PAM: variants seen among roughly 807,000 people sequenced by gnomAD.
The protein encoded by PAM is peptidylglycine alpha-amidating monooxygenase.
PAM carries 72 observed loss-of-function variants against 122.1 expected under a neutral mutation model. That is an observed-to-expected ratio of 0.59 (90% CI 0.49 to 0.72). The LOEUF is 0.72. PAM is among the 30% of genes least tolerant of loss of function. The pLI is 0.00. For synonymous variants in PAM, 389 were observed against 404.4 expected (o/e 0.96, Z 0.46); for missense variants, 1,106 against 1,183.7 (o/e 0.93, Z 0.96).
At chr5:102,948,275 C>T in intron 8 of PAM, 103 bp from the exon 9 acceptor site, 2 of 594,608 alleles carry the variant, frequency 3.4e-6, no homozygotes, top group Non-Finnish European at 6.1e-6. Context: ...TTTTCAAAAG[C>T]ATCACATTTT....
chr5:102,984,590 T>A (rs950215539), intron 15 of PAM, among the ~76,000 whole-genome samples: 2 of 152,152 alleles, frequency 1.3e-5, no homozygotes, highest in African/African-American at 4.8e-5. Flanking sequence ...CAGAGATATA[T>A]AAAGGAAATA....
At chr5:102,826,437 G>T (rs1037884591) in intron 1 of PAM, among the ~76,000 whole-genome samples, 1 of 152,072 alleles carries the variant, frequency 6.6e-6, no homozygotes, top group Non-Finnish European at 1.5e-5. Context: ...AATTTGTTTT[G>T]TTGGTGGATT....
chr5:102,797,474 A>G (rs1312864926), intron 1 of PAM, among the ~76,000 whole-genome samples: 1 of 152,140 alleles, frequency 6.6e-6, no homozygotes, highest in African/African-American at 2.4e-5. Flanking sequence ...GTTTCCTAGT[A>G]TGTGTTTTCA....
chr5:103,012,729 G>A (rs754415719), intron 21 of PAM, among the ~76,000 whole-genome samples: 46 of 152,116 alleles, frequency 3.0e-4, no homozygotes, highest in Middle Eastern at 3.4e-3. Flanking sequence ...AGTGGTGGGC[G>A]CCTGTAGTCC....
intron 7 of PAM, among the ~76,000 whole-genome samples, chr5:102,929,869 C>CT (rs55739271): frequency 0.34 from 50,313 of 146,972 alleles, 8,565 homozygotes; most frequent in East Asian, 0.43. Context: ...TTTTGCGATT[C>CT]TTTTTTTTTT....
chr5:102,819,437 T>A (rs1483771953), intron 1 of PAM, among the ~76,000 whole-genome samples: 1 of 151,798 alleles, frequency 6.6e-6, no homozygotes, highest in Non-Finnish European at 1.5e-5. Flanking sequence ...ATTTATATAT[T>A]TATATATGTT....
intron 4 of PAM, among the ~76,000 whole-genome samples, 179 bp from the exon 5 acceptor site, chr5:102,913,755 A>T (rs571096126): frequency 6.6e-6 from 1 of 152,118 alleles, no homozygotes; most frequent in South Asian, 2.1e-4. Flanking sequence ...CTCTTAATCA[A>T]ATTATCAAGT....
At chr5:102,876,706 A>G (rs1449952651) in intron 3 of PAM, among the ~76,000 whole-genome samples, 1 of 152,224 alleles carries the variant, frequency 6.6e-6, no homozygotes, top group Non-Finnish European at 1.5e-5. Context: ...GTAAAACATT[A>G]CAAAAGGTTA....
intron 14 of PAM, among the ~76,000 whole-genome samples, chr5:102,968,311 G>A (rs1351476629): frequency 6.6e-6 from 1 of 152,180 alleles, no homozygotes; most frequent in Non-Finnish European, 1.5e-5. Flanking sequence ...AGTCTAGTGA[G>A]CAGTTTGGAG....
chr5:102,879,095 A>T (rs566924052), intron 3 of PAM, among the ~76,000 whole-genome samples: 1 of 151,650 alleles, frequency 6.6e-6, no homozygotes, highest in South Asian at 2.1e-4. Flanking sequence ...CACCCAGCTA[A>T]TTTTTTGTAT....
Position 102,854,314 on chromosome 5 carries a change from G to A in PAM, c.-373-11509G>A, listed in dbSNP as rs986850485. ...CATGAAATGTCCTCATTTTAAAAAG[G>A]GATTTTTATATTTCAAAAATGGGAA... On this transcript the variant is annotated intron_variant, in intron 1 of 25. Coordinates refer to ENST00000438793, the MANE Select transcript of PAM (RefSeq NM_001177306.2). 3.3e-5 allele frequency among the ~76,000 whole-genome samples: 5 copies of A among 152,032 alleles called. No homozygotes were observed. The South Asian group carries it at 1.0e-3, about 32-fold the overall frequency.
At chr5:102,848,031 A>T (rs563104778) in intron 1 of PAM, among the ~76,000 whole-genome samples, 37 of 152,252 alleles carry the variant, frequency 2.4e-4, no homozygotes, top group African/African-American at 8.4e-4. Flanking sequence ...TCATGCTGGG[A>T]TTTGCAGAAT....
At chr5:102,857,852 CA>C (rs1169518068) in intron 1 of PAM, among the ~76,000 whole-genome samples, 2 of 152,242 alleles carry the variant, frequency 1.3e-5, no homozygotes, top group Non-Finnish European at 2.9e-5. Flanking sequence ...AAATGGTATT[CA>C]AAGGATTTAC....
intron 15 of PAM, among the ~76,000 whole-genome samples, chr5:102,988,379 G>A (rs1772685605): frequency 2.1e-5 from 3 of 142,986 alleles, no homozygotes; most frequent in African/African-American, 9.1e-5. Context: ...CTATATTCCT[G>A]TACTACTTTG....
chr5:102,806,488 G>A (rs1766258886), intron 1 of PAM, among the ~76,000 whole-genome samples: 1 of 152,202 alleles, frequency 6.6e-6, no homozygotes, highest in Non-Finnish European at 1.5e-5. Context: ...CTGGCCAAAT[G>A]TCCTGGGTGT....
At chr5:102,796,845 A>C (rs879404167) in intron 1 of PAM, among the ~76,000 whole-genome samples, 8 of 152,146 alleles carry the variant, frequency 5.3e-5, no homozygotes, top group Non-Finnish European at 1.2e-4. Context: ...CTGTGTCATA[A>C]AGTCGTTACA....
intron 14 of PAM, among the ~76,000 whole-genome samples, chr5:102,964,217 A>G (rs1005447440): frequency 7.2e-5 from 11 of 151,886 alleles, no homozygotes; most frequent in Non-Finnish European, 1.6e-4. Context: ...TTTCTTTGAA[A>G]TTTGTATCTC....
rs746263962 is a variant in PAM, at chr5:103,019,778, GTGT to G, written c.2432-7_2432-5del. The G allele has an allele frequency of 2.8e-5, 45 of 1,579,250 alleles. No individual in the cohort carries two copies. In the African/African-American group the frequency reaches 5.5e-4, roughly 19 times the overall value. On this transcript the variant is annotated splice_polypyrimidine_tract_variant and intron_variant, in intron 22 of 25. Coordinates refer to ENST00000438793, the MANE Select transcript of PAM (RefSeq NM_001177306.2). The stretch of plus-strand genomic sequence containing the variant: ...ATTCTGACTTTTCTCTCTCCTTGTT[GTGT>G]TGTTACAGAATTGGAACATCGATCA...
chr5:102,807,583 T>G (rs1463093388), intron 1 of PAM, among the ~76,000 whole-genome samples: 1 of 152,126 alleles, frequency 6.6e-6, no homozygotes, highest in Non-Finnish European at 1.5e-5. Context: ...TTGGCAAGGA[T>G]TTAGGAGATA....
Sources: gnomAD v4.1 joint callset for allele counts (sites outside exome capture counted in the v4.1 genomes callset) on GRCh38, gnomAD v4.1.1 for gene constraint, MANE v1.5 for transcripts, NCBI Gene and HGNC (gene_info 2026-07-23, HGNC 2026-07-21) for gene names.